Variants in ZC3H8 observed in about 807,000 individuals in gnomAD.
ZC3H8 encodes zinc finger CCCH-type containing 8, also known as zinc finger CCCH domain-containing protein 8.
Under a neutral mutation model 42.5 loss-of-function variants are expected in ZC3H8, and 27 were observed. That is an observed-to-expected ratio of 0.64 (90% CI 0.47 to 0.88). The LOEUF is 0.88. Among genes scored for constraint, ZC3H8 ranks in the 40% least tolerant of loss-of-function variants. The probability of loss-of-function intolerance (pLI) is 0.00; values close to 1 mark genes in which losing one functional copy is unlikely to be tolerated. For missense variants in ZC3H8, 277 were observed against 336.1 expected, an observed-to-expected ratio of 0.82 and a Z score of 1.37; for synonymous variants, 101 against 110.1, an observed-to-expected ratio of 0.92 and a Z score of 0.52.
intron 8 of ZC3H8, among the ~76,000 whole-genome samples, chr2:112,227,777 C>T (rs1684910443): frequency 6.6e-6 from 1 of 152,138 alleles, no homozygotes; most frequent in Non-Finnish European, 1.5e-5. Flanking sequence ...GTACACTGTA[C>T]ACTTGTACAG....
intron 8 of ZC3H8, among the ~76,000 whole-genome samples, chr2:112,217,789 T>C (rs897975277): frequency 4.6e-5 from 7 of 152,234 alleles, no homozygotes; most frequent in African/African-American, 1.7e-4. Context: ...TCAGTTGTCC[T>C]CCTCAAAGTG....
chr2:112,249,505 G>A (rs987043088), intron 2 of ZC3H8, among the ~76,000 whole-genome samples: 1 of 151,996 alleles, frequency 6.6e-6, no homozygotes, highest in South Asian at 2.1e-4. Flanking sequence ...GTGCAGTGGC[G>A]GGATTTTGGC....
chr2:112,231,269 G>A (rs1161339703), intron 7 of ZC3H8, among the ~76,000 whole-genome samples: 2 of 152,014 alleles, frequency 1.3e-5, no homozygotes, highest in African/African-American at 4.8e-5. Flanking sequence ...GGAACATTTT[G>A]CCAGAAGATC....
chr2:112,234,285 A>G (rs1328136167), intron 4 of ZC3H8, 49 bp from the exon 5 acceptor site: 13 of 1,367,878 alleles, frequency 9.5e-6, no homozygotes, highest in Non-Finnish European at 1.2e-5. Flanking sequence ...AGAAAATTAA[A>G]TATTTTATTC....
At chr2:112,244,034 A>G (rs1332534807) in intron 2 of ZC3H8, among the ~76,000 whole-genome samples, 1 of 132,192 alleles carries the variant, frequency 7.6e-6, no homozygotes, top group Non-Finnish European at 1.7e-5. Flanking sequence ...AAGATAAAAA[A>G]TAAGAGATAT....
chr2:112,229,292 T>C (rs1248289049), intron 8 of ZC3H8, among the ~76,000 whole-genome samples: 1 of 152,222 alleles, frequency 6.6e-6, no homozygotes, highest in African/African-American at 2.4e-5. Context: ...GAGGCCTCTA[T>C]CTGATACCAT....
chr2:112,238,315 C>T lies in ZC3H8; in HGVS notation c.370G>A (p.Ala124Thr). 1.2e-6 allele frequency: 2 copies of T among 1,612,794 alleles called. No individual in the cohort carries two copies. Among genetic ancestry groups the T allele is most frequent in the Middle Eastern group, 1.7e-4 (1 of 6,060 alleles). Residue 124 changes from alanine (A) to threonine (T), a missense_variant and splice_region_variant, in exon 3 of 9, where the codon GCT (alanine) becomes ACT (threonine). Physicochemically the swap from Ala to Thr is moderately conservative, Grantham distance 58. Coordinates refer to ENST00000409573, the MANE Select transcript of ZC3H8 (RefSeq NM_032494.3). ...KKEGVKDTPQAAKQKNKNLKA... is the reference protein window; with the variant it reads ...KKEGVKDTPQTAKQKNKNLKA... The stretch of plus-strand genomic sequence containing the variant: ...AATGATAAAATAGTTTGACTCTTAC[C>T]CTGTGGGGTATCTTTTACTCCTTCT...
chr2:112,212,679 C>G lies in ZC3H8; in HGVS notation c.*3805G>C, dbSNP rs1290434541. The G allele has an allele frequency of 6.6e-6, 1 of 152,202 alleles. No individual in the cohort carries two copies. Among genetic ancestry groups the G allele is most frequent in the Non-Finnish European group, 1.5e-5 (1 of 68,048 alleles). The allele number at this position is 152,202 out of a possible 1,614,324, so 9.4% of individuals were successfully genotyped here. A position where few individuals can be genotyped will look rare whatever the true frequency, so the allele number is the denominator to read the frequency against. ...AAGGATCCAGCTTCTTCCCAACTTT[C>G]CTCTCTGTTTTCTTCAGCTAGCACC... is the stretch of plus-strand genomic sequence containing the variant. On this transcript the variant is annotated 3_prime_UTR_variant, in exon 9 of 9. Coordinates refer to ENST00000409573, the MANE Select transcript of ZC3H8 (RefSeq NM_032494.3).
chr2:112,230,198 T>C (rs1685029818), intron 8 of ZC3H8, among the ~76,000 whole-genome samples: 1 of 152,170 alleles, frequency 6.6e-6, no homozygotes, highest in Non-Finnish European at 1.5e-5. Context: ...ACTAAATTGG[T>C]TGAAATTAAA....
At chr2:112,237,071 G>GA (rs1685366601) in intron 3 of ZC3H8, among the ~76,000 whole-genome samples, 1 of 151,978 alleles carries the variant, frequency 6.6e-6, no homozygotes, top group African/African-American at 2.4e-5. Context: ...AAAACAAATG[G>GA]AAAAAAGAAG....
chr2:112,231,037 T>C (rs1685063261), intron 7 of ZC3H8, 87 bp from the exon 8 acceptor site: 1 of 860,658 alleles, frequency 1.2e-6, no homozygotes, highest in Non-Finnish European at 1.5e-6. Flanking sequence ...TTCAAATGAT[T>C]CCAATCAAAT....
At position 112,211,749 on chromosome 2, in the gene ZC3H8, ATG is replaced by A. The variant is rs1356847557; in HGVS notation, c.*4733_*4734del. 2 of 139,556 alleles carry A rather than the reference ATG, an allele frequency of 1.4e-5. No homozygotes were observed. Among genetic ancestry groups the A allele is most frequent in the African/African-American group, 4.9e-5 (2 of 41,090 alleles). 8.6% of individuals were successfully genotyped at this position (139,556 alleles called of 1,614,324 possible). ...AGAGTAACATACAATAACTAAAAAC[ATG>A]TCTTTTTTTTTCTTTCATGCCTCCA... is the stretch of plus-strand genomic sequence containing the variant. On this transcript the variant is annotated 3_prime_UTR_variant, in exon 9 of 9. Coordinates refer to ENST00000409573, the MANE Select transcript of ZC3H8 (RefSeq NM_032494.3).
chr2:112,246,952 G>A (rs1685785926), intron 2 of ZC3H8, among the ~76,000 whole-genome samples: 1 of 152,190 alleles, frequency 6.6e-6, no homozygotes, highest in Non-Finnish European at 1.5e-5. Flanking sequence ...CCACCTCAGT[G>A]TTTAGCAGTC....
intron 4 of ZC3H8, among the ~76,000 whole-genome samples, chr2:112,234,832 A>G (rs1685250004): frequency 6.6e-6 from 1 of 152,122 alleles, no homozygotes; most frequent in Non-Finnish European, 1.5e-5. Context: ...AATGAAAGTG[A>G]TAGTATTTAT....
At chr2:112,221,289 C>G (rs1326524787) in intron 8 of ZC3H8, among the ~76,000 whole-genome samples, 1 of 152,024 alleles carries the variant, frequency 6.6e-6, no homozygotes, top group Admixed American at 6.5e-5. Context: ...TGGTACTGTC[C>G]TAGTGATAGT....
chr2:112,225,982 T>G (rs923251788), intron 8 of ZC3H8, among the ~76,000 whole-genome samples: 1 of 151,884 alleles, frequency 6.6e-6, no homozygotes, highest in African/African-American at 2.4e-5. Flanking sequence ...CTTGGGAAGC[T>G]GAGGCAGGAG....
chr2:112,234,077 C>A (rs372239481), intron 5 of ZC3H8, 43 bp downstream of exon 5: 4 of 1,088,582 alleles, frequency 3.7e-6, no homozygotes, highest in East Asian at 5.4e-5. Flanking sequence ...ACAGAAAGAG[C>A]AGTTTTACAT....
chr2:112,234,260 CTAAATG>C, intron 4 of ZC3H8, 24 bp from the exon 5 acceptor site: 1 of 1,481,204 alleles, frequency 6.8e-7, no homozygotes, highest in Non-Finnish European at 9.2e-7. Context: ...AACAAAAAAA[CTAAATG>C]TAAGAAACAG....
At chr2:112,249,580 A>G (rs1218600913) in intron 2 of ZC3H8, among the ~76,000 whole-genome samples, 4 of 152,258 alleles carry the variant, frequency 2.6e-5, no homozygotes, top group African/African-American at 9.6e-5. Flanking sequence ...AGTAGCTGGG[A>G]CTACAGGTGC....
Sources: gnomAD v4.1 joint callset for allele counts (sites outside exome capture counted in the v4.1 genomes callset) on GRCh38, gnomAD v4.1.1 for gene constraint, MANE v1.5 for transcripts, NCBI Gene and HGNC (gene_info 2026-07-23, HGNC 2026-07-21) for gene names.